The following FGF14 variants were observed in gnomAD, a reference collection of about 807,000 sequenced individuals.
FGF14 encodes the protein fibroblast growth factor homologous factor 4.
In FGF14, 5 loss-of-function variants were observed where a neutral mutation model predicts 25.5. That is an observed-to-expected ratio of 0.20 (90% CI 0.10 to 0.41). FGF14 has a LOEUF of 0.41. Ranked by LOEUF, FGF14 falls within the 10% of genes least tolerant of loss-of-function variation. FGF14 has a pLI of 1.00. For synonymous variants in FGF14, 138 were observed against 118.3 expected, an observed-to-expected ratio of 1.17 and a Z score of -1.08; for missense variants, 222 against 320.1, an observed-to-expected ratio of 0.69 and a Z score of 2.34.
At chr13:101,742,544 A>T (rs1466829672) in intron 3 of FGF14, among the ~76,000 whole-genome samples, 1 of 152,200 alleles carries the variant, frequency 6.6e-6, no homozygotes, top group Non-Finnish European at 1.5e-5. Context: ...TCTTGGAAAC[A>T]TCACTTCACC....
At chr13:101,821,026 C>T (rs2042118605) in intron 3 of FGF14, among the ~76,000 whole-genome samples, 1 of 148,262 alleles carries the variant, frequency 6.7e-6, no homozygotes, top group African/African-American at 2.5e-5. Flanking sequence ...CGGCTCACTG[C>T]AGGCTCCGCC....
upstream of FGF14, chr13:102,402,012 G>T: frequency 3.0e-6 from 1 of 337,992 alleles, no homozygotes; most frequent in Non-Finnish European, 5.4e-6. Context: ...ATCTTACTGA[G>T]AGAAGACTGC....
chr13:102,110,374 T>C (rs1164218832), intron 1 of FGF14, among the ~76,000 whole-genome samples: 2 of 152,166 alleles, frequency 1.3e-5, no homozygotes, highest in Admixed American at 6.5e-5. Flanking sequence ...CAAAAAACGA[T>C]GCACAGCTAC....
rs550504222 is a variant in FGF14, at chr13:102,101,112, A to C, written c.209-225816T>G. Among the ~76,000 whole-genome samples the C allele has an allele frequency of 3.8e-3, 526 of 139,678 alleles. 3 individuals carry two copies. Among genetic ancestry groups the C allele is most frequent in the Non-Finnish European group, 5.9e-3 (382 of 64,528 alleles). 91.6% of individuals were successfully genotyped at this position (139,678 alleles called of 152,430 possible). A position where few individuals can be genotyped will look rare whatever the true frequency, so the allele number is the denominator to read the frequency against. On this transcript the variant is annotated intron_variant, in intron 1 of 4. Coordinates refer to the FGF14 transcript ENST00000376131. ...AGACTCCGTCTCCCGCAACCCCAGG[A>C]AAAAAAAAAAAAAGGTAAAGTGACT...
chr13:102,050,182 G>C (rs923731678), intron 1 of FGF14, among the ~76,000 whole-genome samples: 11 of 152,138 alleles, frequency 7.2e-5, no homozygotes, highest in African/African-American at 2.4e-4. Context: ...TGTGTTAAGA[G>C]GAAAATAAAT....
chr13:102,037,067 T>C (rs1027657947), intron 1 of FGF14, among the ~76,000 whole-genome samples: 8 of 152,116 alleles, frequency 5.3e-5, no homozygotes, highest in African/African-American at 1.7e-4. Flanking sequence ...TGGGGAAAAT[T>C]ATCTCTTGAG....
At chr13:101,964,892 C>T (rs574722277) in intron 1 of FGF14, among the ~76,000 whole-genome samples, 1 of 152,234 alleles carries the variant, frequency 6.6e-6, no homozygotes, top group East Asian at 1.9e-4. Context: ...TCATATTTAG[C>T]ACATTCTCAT....
intron 1 of FGF14, among the ~76,000 whole-genome samples, chr13:102,178,230 G>C (rs972163176): frequency 6.6e-6 from 1 of 152,058 alleles, no homozygotes; most frequent in Non-Finnish European, 1.5e-5. Flanking sequence ...TTATGGCTCA[G>C]GAGGTTGCAA....
intron 3 of FGF14, among the ~76,000 whole-genome samples, chr13:101,845,679 G>A (rs1294744218): frequency 6.6e-6 from 1 of 151,980 alleles, no homozygotes; most frequent in Non-Finnish European, 1.5e-5. Context: ...ATGCTTATAA[G>A]CAAATAAAGA....
intron 1 of FGF14, among the ~76,000 whole-genome samples, chr13:102,186,020 CT>C (rs2140783976): frequency 6.6e-6 from 1 of 152,256 alleles, no homozygotes; most frequent in South Asian, 2.1e-4. Flanking sequence ...GTGACCCAGT[CT>C]GGACAAAGTT....
At chr13:101,835,215 G>C (rs1322694) in intron 3 of FGF14, among the ~76,000 whole-genome samples, 23,563 of 151,946 alleles carry the variant, frequency 0.16, 2,091 homozygotes, top group East Asian at 0.34. Context: ...AGCCTTTCAA[G>C]GTTGTGTATG....
In FGF14 at chr13:101,880,305, C is replaced by T. The variant is rs145498120; in HGVS notation, c.194-5009G>A. ...CAAACAGGCCAGGCACAGTGGCTCA[C>T]GCCTGTAATCCCAGCACTTTGGGAG... On this transcript the variant is annotated intron_variant, in intron 1 of 4. Transcript: ENST00000376143. Among the ~76,000 whole-genome samples the T allele has an allele frequency of 5.8e-3, 877 of 152,230 alleles. 13 individuals are homozygous for T. The highest frequency in any genetic ancestry group is 0.02 in the African/African-American group (848 of 41,540).
chr13:102,114,827 G>A (rs2045391973), intron 1 of FGF14, among the ~76,000 whole-genome samples: 1 of 152,124 alleles, frequency 6.6e-6, no homozygotes, highest in Admixed American at 6.5e-5. Flanking sequence ...GGGGCTGAGG[G>A]AAGGGGGAGA....
chr13:102,014,672 C>A (rs2040245673), intron 1 of FGF14, among the ~76,000 whole-genome samples: 1 of 152,120 alleles, frequency 6.6e-6, no homozygotes, highest in South Asian at 2.1e-4. Flanking sequence ...TTCAAAAACA[C>A]AAGTCTTCCA....
At chr13:101,784,575 A>C (rs1205573015) in intron 3 of FGF14, among the ~76,000 whole-genome samples, 1 of 152,152 alleles carries the variant, frequency 6.6e-6, no homozygotes, top group Non-Finnish European at 1.5e-5. Context: ...CTTTAGTCTT[A>C]TGTAAAGTTT....
chr13:102,332,617 C>A (rs1279647398), intron 1 of FGF14, among the ~76,000 whole-genome samples: 1 of 152,024 alleles, frequency 6.6e-6, no homozygotes, highest in Non-Finnish European at 1.5e-5. Context: ...AATTCAACTT[C>A]TGTGCATCAT....
chr13:102,216,397 A>G (rs1448649671), intron 1 of FGF14, among the ~76,000 whole-genome samples: 2 of 152,226 alleles, frequency 1.3e-5, no homozygotes, highest in Non-Finnish European at 2.9e-5. Context: ...GAGGTAACAT[A>G]GGTAAAGAAT....
At chr13:102,111,469 CT>C (rs1435037816) in intron 1 of FGF14, among the ~76,000 whole-genome samples, 1 of 152,186 alleles carries the variant, frequency 6.6e-6, no homozygotes, top group African/African-American at 2.4e-5. Flanking sequence ...AATCCCAACA[CT>C]TTGGGAGGCC....
At chr13:102,323,489 A>C (rs2056317338) in intron 1 of FGF14, among the ~76,000 whole-genome samples, 1 of 152,218 alleles carries the variant, frequency 6.6e-6, no homozygotes, top group Admixed American at 6.5e-5. Context: ...TGGTTTCACC[A>C]TTTGAAAGGC....
Sources: allele counts gnomAD v4.1 joint callset (sites outside exome capture counted in the v4.1 genomes callset), GRCh38; gene constraint gnomAD v4.1.1; transcripts MANE v1.5; gene names NCBI Gene and HGNC (gene_info 2026-07-23, HGNC 2026-07-21).